The following NBAS variants were observed in gnomAD, a reference collection of about 807,000 sequenced individuals.
NBAS encodes the protein NBAS subunit of NRZ tethering complex, also known as NAG/BC035112 fusion.
A neutral mutation model predicts 302.5 loss-of-function variants in NBAS; 219 were observed. The ratio of observed to expected loss-of-function variants is 0.72; its 90% CI spans 0.65 to 0.81. The LOEUF is 0.81. NBAS is among the 30% of genes least tolerant of loss of function. The pLI is 0.00. For synonymous variants in NBAS, 1,118 were observed against 1,021.6 expected (o/e 1.09, Z -1.80); for missense variants, 2,932 against 2,841.6 (o/e 1.03, Z -0.72).
intron 12 of NBAS, among the ~76,000 whole-genome samples, chr2:15,486,105 G>C (rs995024622): frequency 1.3e-5 from 2 of 152,068 alleles, no homozygotes; most frequent in African/African-American, 4.8e-5. Context: ...CCGGGGAAGG[G>C]ACAGAGCCAC....
intron 40 of NBAS, among the ~76,000 whole-genome samples, chr2:15,298,351 G>A (rs1419155542): frequency 6.6e-6 from 1 of 152,136 alleles, no homozygotes; most frequent in East Asian, 1.9e-4. Flanking sequence ...AAAAATGAGA[G>A]GAGACAATTT....
the NBAS span, among the ~76,000 whole-genome samples, chr2:15,107,540 C>T: frequency 6.6e-6 from 1 of 152,180 alleles, no homozygotes; most frequent in South Asian, 2.1e-4. Flanking sequence ...ATGTTACTGT[C>T]CCACTCCTAA....
At chr2:14,972,121 T>C in the NBAS span, among the ~76,000 whole-genome samples, 1,802 of 152,002 alleles carry the variant, frequency 0.012, 13 homozygotes, top group Non-Finnish European at 0.018. Context: ...TACGCAGCCA[T>C]AAAAAGGAAT....
the NBAS span, among the ~76,000 whole-genome samples, chr2:14,847,382 TAAAAAAAAA>T: frequency 5.1e-3 from 272 of 53,178 alleles, 2 homozygotes; most frequent in African/African-American, 0.014. Flanking sequence ...GACTCTATCT[TAAAAAAAAA>T]AAAAAAAAAA....
chr2:15,548,668 T>TA (rs1436686650), intron 6 of NBAS, among the ~76,000 whole-genome samples: 1 of 150,754 alleles, frequency 6.6e-6, no homozygotes, highest in Non-Finnish European at 1.5e-5. Context: ...ATTAAATCAA[T>TA]AAAAAAGGAA....
intron 44 of NBAS, among the ~76,000 whole-genome samples, chr2:15,265,232 T>A (rs1210792932): frequency 1.3e-5 from 2 of 152,150 alleles, no homozygotes; most frequent in African/African-American, 4.8e-5. Flanking sequence ...AGCAGAAAAG[T>A]GTCATGCAAT....
At chr2:14,952,153 T>C in the NBAS span, among the ~76,000 whole-genome samples, 1 of 152,166 alleles carries the variant, frequency 6.6e-6, no homozygotes, top group Non-Finnish European at 1.5e-5. Flanking sequence ...CCTGCTTTGC[T>C]CCAGGAAGCT....
At chr2:15,463,268 C>T (rs1455929025) in intron 19 of NBAS, among the ~76,000 whole-genome samples, 2 of 152,018 alleles carry the variant, frequency 1.3e-5, no homozygotes, top group Non-Finnish European at 2.9e-5. Flanking sequence ...AGCAAGACCC[C>T]GTTTCACAAA....
At chr2:14,897,660 G>A in the NBAS span, among the ~76,000 whole-genome samples, 4 of 151,186 alleles carry the variant, frequency 2.6e-5, no homozygotes, top group Admixed American at 1.3e-4. Context: ...GCCAGGGAGT[G>A]TGCACCAGCA....
At chr2:14,918,617 C>G in the NBAS span, among the ~76,000 whole-genome samples, 2 of 152,228 alleles carry the variant, frequency 1.3e-5, no homozygotes, top group African/African-American at 4.8e-5. Flanking sequence ...GGTCCTTAGT[C>G]TTGTCCCTGA....
the NBAS span, among the ~76,000 whole-genome samples, chr2:15,064,059 T>C: frequency 6.6e-6 from 1 of 152,210 alleles, no homozygotes; most frequent in Non-Finnish European, 1.5e-5. Flanking sequence ...ATTTGGTCTA[T>C]AGTGTTGTGA....
At chr2:15,140,284 G>A in the NBAS span, among the ~76,000 whole-genome samples, 2 of 152,190 alleles carry the variant, frequency 1.3e-5, no homozygotes, top group Non-Finnish European at 2.9e-5. Flanking sequence ...TCCCAGAAGA[G>A]GCTCCAGACA....
the NBAS span, among the ~76,000 whole-genome samples, chr2:15,160,064 T>A: frequency 6.6e-6 from 1 of 152,166 alleles, no homozygotes; most frequent in Admixed American, 6.5e-5. Context: ...GTAAAAGGCT[T>A]TGATTATCAT....
At chr2:15,542,270 T>C (rs1344686801) in intron 6 of NBAS, among the ~76,000 whole-genome samples, 2 of 93,560 alleles carry the variant, frequency 2.1e-5, no homozygotes, top group Admixed American at 1.1e-4. Flanking sequence ...ACTTTTCATT[T>C]TGTTCTGTAC....
At chr2:15,514,781 A>T (rs538900873) in intron 9 of NBAS, among the ~76,000 whole-genome samples, 67 of 152,280 alleles carry the variant, frequency 4.4e-4, no homozygotes, top group African/African-American at 1.6e-3. Flanking sequence ...GACCTAAGTG[A>T]TAATCCAGAT....
At chr2:14,829,051 T>C in the NBAS span, among the ~76,000 whole-genome samples, 19 of 151,886 alleles carry the variant, frequency 1.3e-4, no homozygotes, top group Non-Finnish European at 2.4e-4. Flanking sequence ...TTTTTTTTTT[T>C]TTCACAGAGT....
At chr2:14,783,720 T>C in the NBAS span, among the ~76,000 whole-genome samples, 2 of 152,146 alleles carry the variant, frequency 1.3e-5, no homozygotes, top group South Asian at 2.1e-4. Context: ...CAGTCTATCA[T>C]TGTTGGACAT....
rs1372313610 is a variant in NBAS, at chr2:15,351,997, G to T, written c.4174C>A (p.Gln1392Lys). 6.2e-7 allele frequency: 1 copy of T among 1,606,344 alleles called. No individual in the cohort carries two copies. Among genetic ancestry groups the T allele is most frequent in the Middle Eastern group, 1.7e-4 (1 of 6,046 alleles). The change falls in exon 35 of 52, where the codon CAA becomes AAA. Residue 1392 changes from glutamine (Q) to lysine (K), a missense_variant. By Grantham distance (53) the Gln-to-Lys change is moderately conservative. Coordinates refer to ENST00000281513, the MANE Select transcript of NBAS (RefSeq NM_015909.4). ...GCTCCCTCATTTTAACTTACCTCTTGTACTGCTTTACTAGTTAATGGTGAA... is the reference window on the plus strand; with the variant it reads ...GCTCCCTCATTTTAACTTACCTCTTTTACTGCTTTACTAGTTAATGGTGAA... ...SASPLTSKAV[Q>K]EDEVGVPGSN... is the part of the protein sequence containing the mutation.
the NBAS span, among the ~76,000 whole-genome samples, chr2:14,940,861 C>T: frequency 6.6e-6 from 1 of 152,354 alleles, no homozygotes; most frequent in African/African-American, 2.4e-5. Context: ...CAACTCACCA[C>T]ATTGCAATAA....
Sources: gnomAD v4.1 joint callset for allele counts (sites outside exome capture counted in the v4.1 genomes callset) on GRCh38, gnomAD v4.1.1 for gene constraint, MANE v1.5 for transcripts, NCBI Gene and HGNC (gene_info 2026-07-23, HGNC 2026-07-21) for gene names.